The following B3GALT1 variants were observed in gnomAD, a reference collection of about 807,000 sequenced individuals.
B3GALT1 encodes the protein UDP-Gal:betaGlcNAc beta 1,3-galactosyltransferase, polypeptide 1.
Under a neutral mutation model 23.2 loss-of-function variants are expected in B3GALT1, and 10 were observed. The observed-to-expected ratio is 0.43, with a 90% CI of 0.27 to 0.73. B3GALT1 has a LOEUF of 0.73. B3GALT1 is among the 30% of genes least tolerant of loss of function. B3GALT1 has a pLI of 0.21. For synonymous variants in B3GALT1, 156 were observed against 141.5 expected, an observed-to-expected ratio of 1.10 and a Z score of -0.73; for missense variants, 299 against 405.4, an observed-to-expected ratio of 0.74 and a Z score of 2.25.
intron 1 of B3GALT1, among the ~76,000 whole-genome samples, chr2:167,296,196 A>C (rs781425033): frequency 8.5e-5 from 13 of 152,226 alleles, no homozygotes; most frequent in Non-Finnish European, 1.8e-4. Flanking sequence ...CAAAATTTTA[A>C]TTTTAATACT....
intron 3 of B3GALT1, among the ~76,000 whole-genome samples, chr2:167,730,018 G>C (rs1687384305): frequency 1.3e-5 from 2 of 152,162 alleles, no homozygotes; most frequent in South Asian, 4.1e-4. Flanking sequence ...GCAGTGCCCA[G>C]AAGGGTGCAC....
At chr2:167,708,661 C>T (rs897010073) in intron 3 of B3GALT1, among the ~76,000 whole-genome samples, 5 of 151,560 alleles carry the variant, frequency 3.3e-5, no homozygotes, top group African/African-American at 1.2e-4. Context: ...GACTCCATCT[C>T]AAAAAAAAGA....
chr2:167,767,498 T>A (rs1313554368), intron 3 of B3GALT1, among the ~76,000 whole-genome samples: 1 of 152,202 alleles, frequency 6.6e-6, no homozygotes, highest in Non-Finnish European at 1.5e-5. Flanking sequence ...AACTGCTGTC[T>A]TATCCTTCTT....
At chr2:167,351,224 G>A (rs376183336) in intron 1 of B3GALT1, among the ~76,000 whole-genome samples, 2 of 147,496 alleles carry the variant, frequency 1.4e-5, no homozygotes, top group African/African-American at 5.0e-5. Flanking sequence ...AGCCGAGATC[G>A]CATCACTGCA....
intron 1 of B3GALT1, among the ~76,000 whole-genome samples, chr2:167,361,385 A>G (rs936668317): frequency 1.3e-5 from 2 of 152,164 alleles, no homozygotes; most frequent in African/African-American, 4.8e-5. Flanking sequence ...GAAAATTCTC[A>G]ATAAATTATC....
intron 1 of B3GALT1, among the ~76,000 whole-genome samples, chr2:167,313,145 A>G (rs1473754040): frequency 1.3e-5 from 2 of 152,148 alleles, no homozygotes; most frequent in Admixed American, 1.3e-4. Flanking sequence ...TAAACAAGTC[A>G]TGATTTTCTG....
At chr2:167,821,210 A>T (rs910861958) in intron 4 of B3GALT1, among the ~76,000 whole-genome samples, 1 of 152,146 alleles carries the variant, frequency 6.6e-6, no homozygotes, top group Non-Finnish European at 1.5e-5. Context: ...TCAGTTTTTC[A>T]TATCAATTTC....
At chr2:167,604,872 G>T (rs534858169) in intron 2 of B3GALT1, among the ~76,000 whole-genome samples, 2 of 152,312 alleles carry the variant, frequency 1.3e-5, no homozygotes, top group East Asian at 3.9e-4. Context: ...AAGGAAGAGT[G>T]AGCCTTTCAG....
intron 2 of B3GALT1, among the ~76,000 whole-genome samples, chr2:167,619,770 T>C (rs1294408647): frequency 6.6e-6 from 1 of 152,122 alleles, no homozygotes; most frequent in African/African-American, 2.4e-5. Flanking sequence ...TTCTGTGTAG[T>C]GAAAACTAAT....
At chr2:167,566,224 C>T (rs569386744) in intron 2 of B3GALT1, among the ~76,000 whole-genome samples, 21 of 152,028 alleles carry the variant, frequency 1.4e-4, no homozygotes, top group Non-Finnish European at 2.6e-4. Flanking sequence ...AATTGAAAAT[C>T]ATCATTCTCA....
At chr2:167,410,744 T>C (rs1006780957) in intron 1 of B3GALT1, among the ~76,000 whole-genome samples, 1 of 151,602 alleles carries the variant, frequency 6.6e-6, no homozygotes, top group Non-Finnish European at 1.5e-5. Context: ...GAACTTAAAG[T>C]AAAAAAATAA....
chr2:167,847,281 AC>A (rs1383541370), intron 4 of B3GALT1, among the ~76,000 whole-genome samples: 9 of 152,204 alleles, frequency 5.9e-5, no homozygotes, highest in Non-Finnish European at 1.3e-4. Context: ...ACCACAGAAT[AC>A]ACATTCTATT....
chr2:167,519,383 A>G, intron 2 of B3GALT1, among the ~76,000 whole-genome samples: 1 of 150,704 alleles, frequency 6.6e-6, no homozygotes, highest in East Asian at 2.0e-4. Flanking sequence ...AAACACATTC[A>G]TTTAGATACA....
intron 1 of B3GALT1, among the ~76,000 whole-genome samples, chr2:167,441,176 A>C (rs1288501125): frequency 6.6e-6 from 1 of 152,144 alleles, no homozygotes; most frequent in East Asian, 1.9e-4. Flanking sequence ...GTTCACATTC[A>C]AGGTTCATGA....
chr2:167,500,211 C>T (rs1347786498), intron 2 of B3GALT1, among the ~76,000 whole-genome samples: 1 of 152,140 alleles, frequency 6.6e-6, no homozygotes, highest in Non-Finnish European at 1.5e-5. Flanking sequence ...TTCTCAACCT[C>T]TGTCAATCTT....
chr2:167,555,168 A>G (rs2105383517), intron 2 of B3GALT1, among the ~76,000 whole-genome samples: 1 of 152,314 alleles, frequency 6.6e-6, no homozygotes, highest in East Asian at 1.9e-4. Flanking sequence ...CTATTGGGAA[A>G]ATCTCAGGGA....
intron 1 of B3GALT1, among the ~76,000 whole-genome samples, chr2:167,482,829 G>T (rs1012812877): frequency 2.0e-5 from 3 of 150,702 alleles, no homozygotes; most frequent in African/African-American, 7.3e-5. Context: ...AACAGAGCCA[G>T]ACCCTGTCTC....
At chr2:167,368,307 A>G (rs1391819162) in intron 1 of B3GALT1, among the ~76,000 whole-genome samples, 3 of 152,202 alleles carry the variant, frequency 2.0e-5, no homozygotes, top group African/African-American at 7.2e-5. Flanking sequence ...TAACAATGTA[A>G]GAGATGTGTA....
chr2:167,538,201 C>G (rs1273777980), intron 2 of B3GALT1, among the ~76,000 whole-genome samples: 1 of 152,132 alleles, frequency 6.6e-6, no homozygotes, highest in East Asian at 1.9e-4. Context: ...GTCATATTAA[C>G]TTAGATCTAC....
Sources: gnomAD v4.1 joint callset for allele counts (sites outside exome capture counted in the v4.1 genomes callset) on GRCh38, gnomAD v4.1.1 for gene constraint, MANE v1.5 for transcripts, NCBI Gene and HGNC (gene_info 2026-07-23, HGNC 2026-07-21) for gene names.